AFG2A: variants seen among roughly 807,000 people sequenced by gnomAD.
AFG2A encodes the protein AAA ATPase AFG2A.
chr4:123,298,705 A>G, the AFG2A span, among the ~76,000 whole-genome samples: 3 of 152,300 alleles, frequency 2.0e-5, no homozygotes, highest in East Asian at 5.8e-4. Context: ...TCTTTTCAGG[A>G]CTTGGGATTT....
At chr4:122,930,600 A>T in the AFG2A span, among the ~76,000 whole-genome samples, 1 of 152,214 alleles carries the variant, frequency 6.6e-6, no homozygotes, top group Non-Finnish European at 1.5e-5. Context: ...AGCTTTGTAT[A>T]TATTGCATGT....
the AFG2A span, among the ~76,000 whole-genome samples, chr4:123,054,862 C>T: frequency 6.6e-5 from 10 of 151,908 alleles, no homozygotes; most frequent in Non-Finnish European, 1.2e-4. Context: ...ACTCCTTTGC[C>T]TTAAACTTGT....
chr4:123,157,341 A>G, the AFG2A span, among the ~76,000 whole-genome samples: 1 of 151,952 alleles, frequency 6.6e-6, no homozygotes, highest in Non-Finnish European at 1.5e-5. Context: ...GCTTTTATTC[A>G]TCATAACCAT....
the AFG2A span, chr4:122,933,304 ATTTAT>A: frequency 1.3e-4 from 90 of 673,972 alleles, no homozygotes; most frequent in Middle Eastern, 1.1e-3. Flanking sequence ...TGTATACATT[ATTTAT>A]TTTAAGGTTG....
At chr4:122,960,872 G>T in the AFG2A span, among the ~76,000 whole-genome samples, 3 of 152,080 alleles carry the variant, frequency 2.0e-5, no homozygotes, top group Non-Finnish European at 2.9e-5. Flanking sequence ...CTTATGAAAG[G>T]TTCTGTTTCT....
chr4:123,003,283 T>C, the AFG2A span, among the ~76,000 whole-genome samples: 7 of 152,260 alleles, frequency 4.6e-5, no homozygotes, highest in African/African-American at 1.4e-4. Flanking sequence ...GTTTGATCAT[T>C]TGAAGCCTTC....
At chr4:122,944,851 A>G in the AFG2A span, among the ~76,000 whole-genome samples, 1 of 152,098 alleles carries the variant, frequency 6.6e-6, no homozygotes, top group Admixed American at 6.6e-5. Flanking sequence ...TTTTCCTTCT[A>G]ACAGACAGGG....
the AFG2A span, among the ~76,000 whole-genome samples, chr4:123,167,266 C>A: frequency 1.3e-5 from 2 of 149,304 alleles, no homozygotes; most frequent in Non-Finnish European, 1.5e-5. Context: ...ATGTAGGTAT[C>A]TATATATATA....
the AFG2A span, among the ~76,000 whole-genome samples, chr4:123,253,128 A>G: frequency 6.6e-6 from 1 of 152,070 alleles, no homozygotes; most frequent in Non-Finnish European, 1.5e-5. Context: ...TCACTTGGAC[A>G]TGGGTGTTTG....
At chr4:123,089,164 C>A in the AFG2A span, among the ~76,000 whole-genome samples, 5 of 152,168 alleles carry the variant, frequency 3.3e-5, no homozygotes, top group African/African-American at 1.2e-4. Context: ...GGCTATTCTC[C>A]TGTGGATACA....
the AFG2A span, among the ~76,000 whole-genome samples, chr4:123,191,302 A>T: frequency 1.3e-5 from 2 of 151,960 alleles, no homozygotes; most frequent in East Asian, 3.9e-4. Flanking sequence ...ATGAGAAGGA[A>T]TGTCATAGCT....
At chr4:122,930,476 A>G in the AFG2A span, among the ~76,000 whole-genome samples, 4 of 152,142 alleles carry the variant, frequency 2.6e-5, no homozygotes, top group African/African-American at 4.8e-5. Context: ...GAGTTTTGGC[A>G]TATTTTTTCC....
At chr4:122,958,918 T>C in the AFG2A span, among the ~76,000 whole-genome samples, 1 of 152,222 alleles carries the variant, frequency 6.6e-6, no homozygotes, top group Non-Finnish European at 1.5e-5. Context: ...GCAGCCAGTC[T>C]TGCCCTTGTC....
At chr4:123,013,388 G>C in the AFG2A span, among the ~76,000 whole-genome samples, 1 of 152,148 alleles carries the variant, frequency 6.6e-6, no homozygotes, top group Non-Finnish European at 1.5e-5. Flanking sequence ...CCACATGTAT[G>C]GGTTTAATAC....
At chr4:123,050,160 A>G in the AFG2A span, among the ~76,000 whole-genome samples, 1 of 152,154 alleles carries the variant, frequency 6.6e-6, no homozygotes. Flanking sequence ...GTTGTGGTCA[A>G]AAAAGATGCT....
chr4:123,008,468 A>G, the AFG2A span, among the ~76,000 whole-genome samples: 1 of 152,150 alleles, frequency 6.6e-6, no homozygotes, highest in African/African-American at 2.4e-5. Flanking sequence ...AGGTAAATAA[A>G]TGTTACCTTT....
chr4:123,165,448 A>G, the AFG2A span, among the ~76,000 whole-genome samples: 10 of 152,244 alleles, frequency 6.6e-5, no homozygotes, highest in East Asian at 1.7e-3. Context: ...TTTATAATAA[A>G]CATAATAAAT....
the AFG2A span, chr4:122,934,071 T>C: frequency 6.5e-7 from 1 of 1,537,278 alleles, no homozygotes; most frequent in Non-Finnish European, 8.7e-7. Context: ...TATGCTAACA[T>C]GTATATTTAA....
At chr4:123,181,579 G>A in the AFG2A span, among the ~76,000 whole-genome samples, 1 of 151,988 alleles carries the variant, frequency 6.6e-6, no homozygotes, top group Admixed American at 6.6e-5. Context: ...CTTCATCCTG[G>A]GTGGCAGAGA....
Sources: allele counts gnomAD v4.1 joint callset (sites outside exome capture counted in the v4.1 genomes callset), GRCh38; gene constraint gnomAD v4.1.1; transcripts MANE v1.5; gene names NCBI Gene and HGNC (gene_info 2026-07-23, HGNC 2026-07-21).